Variants in DGKB observed in about 807,000 individuals in gnomAD.
DGKB encodes 90 kDa diacylglycerol kinase.
A neutral mutation model predicts 114.3 loss-of-function variants in DGKB; 67 were observed. The observed-to-expected ratio is 0.59, with a 90% confidence interval of 0.48 to 0.72. The LOEUF is 0.72. Among genes scored for constraint, DGKB ranks in the 30% least tolerant of loss-of-function variants. The probability of loss-of-function intolerance (pLI) is 0.00; values close to 1 mark genes in which losing one functional copy is unlikely to be tolerated. For missense variants in DGKB, 907 were observed against 975.2 expected, an observed-to-expected ratio of 0.93 and a Z score of 0.93; for synonymous variants, 398 against 323.1, an observed-to-expected ratio of 1.23 and a Z score of -2.49.
chr7:14,897,827 G>A (rs949000886), intron 1 of DGKB, among the ~76,000 whole-genome samples: 11 of 151,852 alleles, frequency 7.2e-5, no homozygotes, highest in African/African-American at 2.7e-4. Context: ...CTAGTCTTTG[G>A]TGGGCAGGGG....
chr7:14,241,231 T>C (rs137942003), intron 23 of DGKB, among the ~76,000 whole-genome samples: 1 of 152,084 alleles, frequency 6.6e-6, no homozygotes, highest in Non-Finnish European at 1.5e-5. Flanking sequence ...AAAATCACAA[T>C]AGAAAAAACA....
rs1480510364 is a variant in DGKB at position 14,148,076 on chromosome 7, A to T, written c.*1055T>A. 1 of 152,158 alleles carries T rather than the reference A, an allele frequency of 6.6e-6. No homozygotes were observed. Among genetic ancestry groups the T allele is most frequent in the Non-Finnish European group, 1.5e-5 (1 of 68,004 alleles). The allele number at this position is 152,158 out of a possible 1,614,324, so 9.4% of individuals were successfully genotyped here. ...AAGTGTACTTAACTGATCCATGAAA[A>T]ATTACACCTATATTTATAAATGACT... On this transcript the variant is annotated 3_prime_UTR_variant, in exon 26 of 26. Transcript: ENST00000402815.
chr7:14,569,147 A>G (rs1798011117), intron 20 of DGKB, among the ~76,000 whole-genome samples: 1 of 152,214 alleles, frequency 6.6e-6, no homozygotes, highest in East Asian at 1.9e-4. Context: ...CATTCAAGGT[A>G]GAAGATCTAT....
intron 1 of DGKB, among the ~76,000 whole-genome samples, chr7:14,842,117 T>C (rs900973372): frequency 1.2e-4 from 19 of 152,236 alleles, no homozygotes; most frequent in African/African-American, 4.3e-4. Flanking sequence ...TATCAGAGAC[T>C]ATAATCAATT....
chr7:14,874,947 C>T (rs532276356), intron 1 of DGKB, among the ~76,000 whole-genome samples: 15 of 151,942 alleles, frequency 9.9e-5, no homozygotes, highest in Middle Eastern at 3.4e-3. Context: ...GCTAGCGTAA[C>T]GGGGAAGTAA....
At chr7:14,798,930 G>T (rs1219606555) in intron 2 of DGKB, among the ~76,000 whole-genome samples, 1 of 152,234 alleles carries the variant, frequency 6.6e-6, no homozygotes. Flanking sequence ...TAGGAAAATA[G>T]TAAATCAAAA....
At chr7:14,660,036 T>G (rs1816707788) in intron 13 of DGKB, among the ~76,000 whole-genome samples, 1 of 151,220 alleles carries the variant, frequency 6.6e-6, no homozygotes, top group African/African-American at 2.4e-5. Flanking sequence ...GGATTACATT[T>G]ATTGATTTGC....
intron 20 of DGKB, among the ~76,000 whole-genome samples, chr7:14,514,555 G>A (rs1202506636): frequency 6.6e-6 from 1 of 152,034 alleles, no homozygotes; most frequent in Non-Finnish European, 1.5e-5. Context: ...TAATATGGAT[G>A]GGTAACTTAA....
intron 1 of DGKB, among the ~76,000 whole-genome samples, chr7:14,944,145 C>T (rs1785730358): frequency 6.6e-6 from 1 of 151,892 alleles, no homozygotes; most frequent in Non-Finnish European, 1.5e-5. Context: ...TACAGAATTA[C>T]ACTTAGCTGT....
chr7:14,246,450 C>A (rs1214406798), intron 23 of DGKB, among the ~76,000 whole-genome samples: 1 of 152,168 alleles, frequency 6.6e-6, no homozygotes. Context: ...ACATTCTTAA[C>A]CCCTGTGGCA....
chr7:14,952,602 A>G (rs778968772), intron 1 of DGKB, among the ~76,000 whole-genome samples: 2 of 151,938 alleles, frequency 1.3e-5, no homozygotes, highest in Non-Finnish European at 2.9e-5. Flanking sequence ...CTAAAAATAC[A>G]AAAATTAGCC....
chr7:14,480,782 G>C (rs373148387), intron 20 of DGKB, among the ~76,000 whole-genome samples: 1 of 151,944 alleles, frequency 6.6e-6, no homozygotes, highest in Non-Finnish European at 1.5e-5. Flanking sequence ...CTTTAAAAGA[G>C]GATACTGACA....
chr7:14,938,014 C>T (rs1288309968), intron 1 of DGKB, among the ~76,000 whole-genome samples: 1 of 152,154 alleles, frequency 6.6e-6, no homozygotes, highest in Middle Eastern at 3.2e-3. Context: ...TGGGGAGTCA[C>T]AAGTTATATT....
At chr7:14,710,178 C>T (rs1167385203) in intron 6 of DGKB, among the ~76,000 whole-genome samples, 2 of 151,904 alleles carry the variant, frequency 1.3e-5, no homozygotes, top group African/African-American at 2.4e-5. Context: ...TTATTTAGAG[C>T]TTTAATTTCT....
chr7:14,656,240 T>A (rs1397607838), intron 13 of DGKB, among the ~76,000 whole-genome samples: 2 of 151,626 alleles, frequency 1.3e-5, no homozygotes, highest in African/African-American at 4.8e-5. Context: ...TTTTAAAGAA[T>A]TTTTATGACT....
chr7:14,157,834 T>G (rs1783249508), intron 25 of DGKB, among the ~76,000 whole-genome samples: 1 of 152,200 alleles, frequency 6.6e-6, no homozygotes. Context: ...TGTGGTCACA[T>G]GGAAAATAGA....
intron 23 of DGKB, among the ~76,000 whole-genome samples, chr7:14,274,686 T>TGGTATC: frequency 6.6e-6 from 1 of 152,178 alleles, no homozygotes; most frequent in South Asian, 2.1e-4. Context: ...TATCTGGTAT[T>TGGTATC]TGGTATCTGG....
chr7:14,821,971 T>C (rs901734302), intron 2 of DGKB, among the ~76,000 whole-genome samples: 4 of 152,258 alleles, frequency 2.6e-5, no homozygotes, highest in African/African-American at 9.6e-5. Context: ...CAAGTCATCT[T>C]GGATGCATTA....
intron 23 of DGKB, among the ~76,000 whole-genome samples, chr7:14,244,573 G>C (rs1221830761): frequency 1.3e-5 from 2 of 151,416 alleles, no homozygotes; most frequent in Non-Finnish European, 2.9e-5. Flanking sequence ...GGGAGGCTGA[G>C]GCAGGGGAAT....
Sources: gnomAD v4.1 joint callset for allele counts (sites outside exome capture counted in the v4.1 genomes callset) on GRCh38, gnomAD v4.1.1 for gene constraint, MANE v1.5 for transcripts, NCBI Gene and HGNC (gene_info 2026-07-23, HGNC 2026-07-21) for gene names.